Variants in RADIL observed in about 807,000 individuals in gnomAD.
RADIL encodes ras-associating and dilute domain-containing protein.
In RADIL, 99 loss-of-function variants were observed where a neutral mutation model predicts 97.6. The ratio of observed to expected loss-of-function variants is 1.01; its 90% CI spans 0.86 to 1.20. RADIL has a LOEUF of 1.20. Among genes scored for constraint, RADIL ranks in the 50% most tolerant of loss-of-function variants. RADIL has a pLI of 0.00. For synonymous variants in RADIL, 803 were observed against 691.8 expected (o/e 1.16, Z -2.52); for missense variants, 1,765 against 1,498.9 (o/e 1.18, Z -2.93).
Position 4,815,480 on chromosome 7 carries a change from T to A in RADIL, c.1967-30A>T. 2 of 1,470,022 alleles carry A rather than the reference T, an allele frequency of 1.4e-6. No homozygotes were observed. The highest frequency in any genetic ancestry group is 1.8e-6 in the Non-Finnish European group (2 of 1,106,780). 91.1% of individuals were successfully genotyped at this position (1,470,022 alleles called of 1,614,324 possible). A position where few individuals can be genotyped will look rare whatever the true frequency, so the allele number is the denominator to read the frequency against. ...GGAGGGAAGAAGGGAGGGTGATGCC[T>A]GGGCTGCCCTCCTGGGGGGACACAG... On this transcript the variant is annotated intron_variant, in intron 8 of 14. Transcript: ENST00000399583. This position sits in a 1 kb window ranked among gnomAD's most constrained non-coding sequence, Gnocchi z 8.0.
In RADIL at chr7:4,803,590, G is replaced by T. The variant is rs952308581; in HGVS notation, c.2455C>A (p.Pro819Thr). 1 of 1,546,778 alleles carries T rather than the reference G, an allele frequency of 6.5e-7. No homozygotes were observed. The highest frequency in any genetic ancestry group is 1.2e-5 in the South Asian group (1 of 83,980). Reference sequence around the variant, plus strand: ...GAGGCCCCACTGCCAGGCCTGCCAGGGCTGCCGGGGCTGGCTCTGCTCCGC... The same window carrying T: ...GAGGCCCCACTGCCAGGCCTGCCAGTGCTGCCGGGGCTGGCTCTGCTCCGC... ...GLRSRASPGS[P>T]GRPGSGASQP... Residue 819 changes from proline to threonine, a missense_variant, in exon 11 of 15, where the codon CCT becomes ACT. Physicochemically the swap from Pro to Thr is conservative, Grantham distance 38. Coordinates refer to ENST00000399583, the MANE Select transcript of RADIL (RefSeq NM_018059.5).
chr7:4,807,104 G>C (rs1208069934), intron 9 of RADIL, among the ~76,000 whole-genome samples: 4 of 152,118 alleles, frequency 2.6e-5, no homozygotes, highest in African/African-American at 9.7e-5. Context: ...TTTGGATGTG[G>C]CCTCGCTGCT....
In RADIL at chr7:4,799,731, G is replaced by A; in HGVS notation, c.3021C>T (p.Thr1007=). ...HLGAPGLYIQ[T]LLPGSPAAAD... is the part of the protein sequence containing the mutation. ...CCGCTGCGGGGCTGCCCGGGAGCAG[G>A]GTCTGGATGTAGAGCCCGGGGGCGC... Residue 1007 remains threonine, a synonymous_variant, in exon 14 of 15, where the codon ACC becomes ACT. Coordinates refer to ENST00000399583, the MANE Select transcript of RADIL (RefSeq NM_018059.5). 1 of 1,561,228 alleles carries A rather than the reference G, an allele frequency of 6.4e-7. No individual in the cohort carries two copies. Among genetic ancestry groups the A allele is most frequent in the Middle Eastern group, 1.7e-4 (1 of 5,870 alleles).
intron 2 of RADIL, among the ~76,000 whole-genome samples, chr7:4,851,928 C>T (rs896323599): frequency 6.6e-6 from 1 of 152,200 alleles, no homozygotes; most frequent in African/African-American, 2.4e-5. Flanking sequence ...TACCTGGCCA[C>T]ATAAATGACT....
Position 4,798,088 on chromosome 7 carries a change from A to G in RADIL, c.*1290T>C, listed in dbSNP as rs1414087139. 6.8e-6 allele frequency: 1 copy of G among 147,924 alleles called. No individual in the cohort carries two copies. The highest frequency in any genetic ancestry group is 1.9e-4 in the East Asian group (1 of 5,158). The allele number at this position is 147,924 out of a possible 1,614,324, so 9.2% of individuals were successfully genotyped here. On this transcript the variant is annotated 3_prime_UTR_variant, in exon 15 of 15. Coordinates refer to ENST00000399583, the MANE Select transcript of RADIL (RefSeq NM_018059.5). Reference sequence around the variant, plus strand: ...GTAATATATTCATATATAATTATATATTTATATATATTCATATATTTTACA... The same window carrying G: ...GTAATATATTCATATATAATTATATGTTTATATATATTCATATATTTTACA...
chr7:4,872,866 G>C lies in RADIL; in HGVS notation c.535+4739C>G, dbSNP rs1784286705. ...GGAGTCCGAGGTGAGGGGCAGGGGA[G>C]AGGCCTGAGAGACTTTGGCGAAATG... On this transcript the variant is annotated intron_variant, in intron 2 of 14. Coordinates refer to ENST00000399583, the MANE Select transcript of RADIL (RefSeq NM_018059.5). The surrounding 1 kb of genome is among the most constrained non-coding windows in gnomAD (Gnocchi z 5.8). Among the ~76,000 whole-genome samples the C allele has an allele frequency of 1.3e-5, 2 of 152,176 alleles. No individual in the cohort carries two copies. Among genetic ancestry groups the C allele is most frequent in the African/African-American group, 4.8e-5 (2 of 41,442 alleles).
In RADIL at chr7:4,847,072, G is replaced by A. The variant is rs569778704; in HGVS notation, c.536-10467C>T. Among the ~76,000 whole-genome samples, 21 of 152,200 alleles carry A rather than the reference G, an allele frequency of 1.4e-4. 1 individual carries two copies. In the South Asian group the frequency reaches 4.2e-3, roughly 30 times the overall value. On this transcript the variant is annotated intron_variant, in intron 2 of 14. Transcript: ENST00000399583. ...ATGGTGGCTTACACCTGTAATCCCA[G>A]CACTTTGGGAGGCCAAGGTGGGTGG...
At chr7:4,861,975 C>T (rs1784021120) in intron 2 of RADIL, 1 of 460,910 alleles carries the variant, frequency 2.2e-6, no homozygotes, top group Non-Finnish European at 3.8e-6. Context: ...GCTTCTCCTC[C>T]TTCCCCTCAG....
At chr7:4,828,951 T>G (rs551479897) in intron 5 of RADIL, among the ~76,000 whole-genome samples, 2 of 152,106 alleles carry the variant, frequency 1.3e-5, no homozygotes, top group South Asian at 4.2e-4. Context: ...GGTGGAAGGT[T>G]CCAGTCCTCC....
At chr7:4,806,154 T>TTTGC in intron 9 of RADIL, 1 of 791,122 alleles carries the variant, frequency 1.3e-6, no homozygotes, top group Non-Finnish European at 1.5e-6. Context: ...CATTTGTTTG[T>TTTGC]TTGCTTGTTT....
At chr7:4,825,255 A>T (rs1047410009) in intron 5 of RADIL, among the ~76,000 whole-genome samples, 1 of 152,218 alleles carries the variant, frequency 6.6e-6, no homozygotes, top group Non-Finnish European at 1.5e-5. Context: ...GAACGGGCGC[A>T]GCTGGCTGAG....
chr7:4,841,081 G>A (rs1359581417), intron 2 of RADIL, among the ~76,000 whole-genome samples: 8 of 152,236 alleles, frequency 5.3e-5, no homozygotes, highest in Admixed American at 5.2e-4. Context: ...TTTTAGATGG[G>A]AAGTTATTCA....
intron 2 of RADIL, among the ~76,000 whole-genome samples, chr7:4,869,682 T>C (rs60226766): frequency 0.015 from 2,243 of 152,324 alleles, 57 homozygotes; most frequent in African/African-American, 0.052. Context: ...TTCTGTTCCA[T>C]TGCTTTATTT....
At chr7:4,805,169 G>A (rs1392920500) in intron 10 of RADIL, 1 of 214,600 alleles carries the variant, frequency 4.7e-6, no homozygotes, top group Non-Finnish European at 9.2e-6. Context: ...CCCTCCGTAT[G>A]GACATGTGTG....
chr7:4,836,193 T>A (rs1036516781), intron 3 of RADIL, among the ~76,000 whole-genome samples, 165 bp downstream of exon 3: 1 of 152,228 alleles, frequency 6.6e-6, no homozygotes, highest in Non-Finnish European at 1.5e-5. Context: ...TGACTCCACA[T>A]GTGCCCCCGC....
chr7:4,853,207 G>A (rs1166347400), intron 2 of RADIL, among the ~76,000 whole-genome samples: 3 of 152,104 alleles, frequency 2.0e-5, no homozygotes, highest in East Asian at 1.9e-4. Context: ...TGCATAACCC[G>A]CCCTCCAACC....
intron 5 of RADIL, among the ~76,000 whole-genome samples, chr7:4,827,491 C>A (rs1783023907): frequency 6.6e-6 from 1 of 150,930 alleles, no homozygotes; most frequent in Non-Finnish European, 1.5e-5. Context: ...GAAACCCCGT[C>A]TCTACTAAAA....
Position 4,799,221 on chromosome 7 carries a change from CTG to C in RADIL, c.*155_*156del, listed in dbSNP as rs1251089643. 3 of 624,968 alleles carry C rather than the reference CTG, an allele frequency of 4.8e-6. No homozygotes were observed. Among genetic ancestry groups the C allele is most frequent in the African/African-American group, 1.8e-5 (1 of 54,578 alleles). The allele number at this position is 624,968 out of a possible 1,614,324, so 38.7% of individuals were successfully genotyped here. On this transcript the variant is annotated 3_prime_UTR_variant, in exon 15 of 15. Transcript: ENST00000399583. ...ATCTGCCATATAAATAGAACCTACACTGAGATGCATGTTATCAACAGGCATGT... is the reference window on the plus strand; with the variant it reads ...ATCTGCCATATAAATAGAACCTACACAGATGCATGTTATCAACAGGCATGT...
At chr7:4,848,029 C>T (rs1783618100) in intron 2 of RADIL, among the ~76,000 whole-genome samples, 1 of 151,910 alleles carries the variant, frequency 6.6e-6, no homozygotes, top group South Asian at 2.1e-4. Context: ...AACCCTGTCT[C>T]TACCAAAAAT....
Sources: allele counts gnomAD v4.1 joint callset (sites outside exome capture counted in the v4.1 genomes callset), GRCh38; gene constraint gnomAD v4.1.1; non-coding constraint Gnocchi (gnomAD v3.1); transcripts MANE v1.5; gene names NCBI Gene and HGNC (gene_info 2026-07-23, HGNC 2026-07-21).